Variants in ASTN1 observed in about 807,000 individuals in gnomAD.
ASTN1 encodes the protein astrotactin 1.
A neutral mutation model predicts 140.7 loss-of-function variants in ASTN1; 41 were observed. The ratio of observed to expected loss-of-function variants is 0.29; its 90% CI spans 0.23 to 0.38. ASTN1 has a LOEUF of 0.38. ASTN1 is among the 10% of genes least tolerant of loss of function. The pLI, the probability that ASTN1 is intolerant of heterozygous loss-of-function variation, is 1.00. For synonymous variants in ASTN1, 640 were observed against 652.2 expected, an observed-to-expected ratio of 0.98 and a Z score of 0.29; for missense variants, 1,479 against 1,678.8, an observed-to-expected ratio of 0.88 and a Z score of 2.08.
chr1:177,094,660 A>T (rs893342320), intron 1 of ASTN1, among the ~76,000 whole-genome samples: 1 of 152,216 alleles, frequency 6.6e-6, no homozygotes, highest in African/African-American at 2.4e-5. Flanking sequence ...TAGCAGCCCG[A>T]ACAGACTAAG....
intron 16 of ASTN1, among the ~76,000 whole-genome samples, chr1:176,926,699 A>G (rs987333281): frequency 3.3e-5 from 5 of 152,212 alleles, no homozygotes; most frequent in Non-Finnish European, 7.3e-5. Flanking sequence ...TGTTGTTGTA[A>G]ATGCATATAG....
intron 16 of ASTN1, among the ~76,000 whole-genome samples, chr1:176,899,112 C>T (rs1200580551): frequency 6.6e-6 from 1 of 152,176 alleles, no homozygotes; most frequent in East Asian, 1.9e-4. Flanking sequence ...AGTTAACAAT[C>T]CTAAAACTGC....
intron 16 of ASTN1, among the ~76,000 whole-genome samples, chr1:176,901,842 C>A (rs941699417): frequency 2.6e-5 from 4 of 152,196 alleles, no homozygotes; most frequent in African/African-American, 9.7e-5. Context: ...AGTCCCGAAT[C>A]CAAAGGGTTT....
At chr1:176,910,713 C>T (rs966981523) in intron 16 of ASTN1, among the ~76,000 whole-genome samples, 4 of 152,150 alleles carry the variant, frequency 2.6e-5, no homozygotes, top group Non-Finnish European at 5.9e-5. Context: ...CACAGGGGTC[C>T]CCAACCCCCA....
At chr1:176,983,799 A>T (rs561833515) in intron 8 of ASTN1, among the ~76,000 whole-genome samples, 1 of 152,190 alleles carries the variant, frequency 6.6e-6, no homozygotes, top group Non-Finnish European at 1.5e-5. Flanking sequence ...CTCTCTCTCA[A>T]GCCTAGAATG....
At chr1:176,887,153 T>C (rs1669062190) in intron 18 of ASTN1, among the ~76,000 whole-genome samples, 1 of 152,220 alleles carries the variant, frequency 6.6e-6, no homozygotes, top group African/African-American at 2.4e-5. Context: ...GGAGCACTCT[T>C]TCTAATAGCT....
chr1:177,024,692 G>A lies in ASTN1; in HGVS notation c.1161C>T (p.Thr387=), dbSNP rs1676012708. ...PRSPVNKTTL[T]LISITSCVIG... ...TCACACAGCTGGTGATGCTGATCAG[G>A]GTCAAGGTGGTCTTATTCACAGGAC... Residue 387 remains threonine (T), a synonymous_variant, in exon 6 of 23, where the codon ACC becomes ACT. Transcript: ENST00000361833. 1 of 1,614,066 alleles carries A rather than the reference G, an allele frequency of 6.2e-7. No individual in the cohort carries two copies. The highest frequency in any genetic ancestry group is 8.5e-7 in the Non-Finnish European group (1 of 1,179,984).
At chr1:177,003,247 T>C (rs1674823568) in intron 8 of ASTN1, among the ~76,000 whole-genome samples, 1 of 148,260 alleles carries the variant, frequency 6.7e-6, no homozygotes, top group South Asian at 2.1e-4. Flanking sequence ...TCCAACAAAA[T>C]ACTAGCAAAC....
intron 1 of ASTN1, among the ~76,000 whole-genome samples, chr1:177,106,338 T>C (rs983730072): frequency 4.6e-5 from 7 of 152,204 alleles, no homozygotes; most frequent in Admixed American, 2.6e-4. Flanking sequence ...TTAACTCCAC[T>C]GGCCTCATCG....
chr1:176,864,673 C>A, intron 22 of ASTN1, 152 bp from the exon 23 acceptor site: 1 of 1,074,792 alleles, frequency 9.3e-7, no homozygotes, highest in Non-Finnish European at 1.3e-6. Flanking sequence ...AACAGTGAGT[C>A]CTCCAAAAAT....
intron 2 of ASTN1, among the ~76,000 whole-genome samples, chr1:177,045,890 A>G (rs893846007): frequency 6.1e-5 from 7 of 113,842 alleles, no homozygotes; most frequent in Admixed American, 3.3e-4. Flanking sequence ...AATTATATCT[A>G]CAGACATGTA....
intron 1 of ASTN1, among the ~76,000 whole-genome samples, chr1:177,124,328 C>G (rs1180566913): frequency 6.6e-6 from 1 of 152,184 alleles, no homozygotes; most frequent in South Asian, 2.1e-4. Context: ...GAAACTGAGG[C>G]TGATAGAGTT....
intron 16 of ASTN1, among the ~76,000 whole-genome samples, chr1:176,905,059 T>A (rs1490510492): frequency 1.3e-5 from 2 of 152,134 alleles, no homozygotes; most frequent in African/African-American, 2.4e-5. Context: ...GTTCTCCACC[T>A]CTCCTTCCCT....
At chr1:177,073,390 C>T (rs1678737615) in intron 1 of ASTN1, among the ~76,000 whole-genome samples, 1 of 151,884 alleles carries the variant, frequency 6.6e-6, no homozygotes, top group Non-Finnish European at 1.5e-5. Context: ...TTAAGCAGTA[C>T]TTCCTTTCAT....
intron 8 of ASTN1, among the ~76,000 whole-genome samples, chr1:176,998,088 T>G (rs1468564508): frequency 6.6e-6 from 1 of 152,134 alleles, no homozygotes; most frequent in Non-Finnish European, 1.5e-5. Context: ...GTTGCCATAC[T>G]TGTCTTCATA....
At chr1:177,126,168 T>G (rs1277938222) in intron 1 of ASTN1, among the ~76,000 whole-genome samples, 1 of 152,166 alleles carries the variant, frequency 6.6e-6, no homozygotes, top group Non-Finnish European at 1.5e-5. Flanking sequence ...ATCACCATCA[T>G]CATCATTATC....
intron 1 of ASTN1, among the ~76,000 whole-genome samples, chr1:177,113,261 G>C (rs1680908724): frequency 6.6e-6 from 1 of 152,180 alleles, no homozygotes; most frequent in South Asian, 2.1e-4. Flanking sequence ...GTTGTTTCCA[G>C]CTTCCATACA....
rs140674846 is a variant in ASTN1 at position 177,101,557 on chromosome 1, C to A, written c.284-40292G>T. On this transcript the variant is annotated intron_variant, in intron 1 of 22. Coordinates refer to ENST00000361833, the MANE Select transcript of ASTN1 (RefSeq NM_004319.3). ...GGTTTTCCTGGGGGTGAGGTGGCAACTGGAAGGGGCACAGGGAGGACAGGG... is the reference window on the plus strand; with the variant it reads ...GGTTTTCCTGGGGGTGAGGTGGCAAATGGAAGGGGCACAGGGAGGACAGGG... Among the ~76,000 whole-genome samples the A allele has an allele frequency of 4.6e-3, 699 of 152,256 alleles. 23 individuals are homozygous for A. Among genetic ancestry groups the A allele is most frequent in the Admixed American group, 0.034 (524 of 15,278 alleles).
At chr1:177,092,814 T>C (rs1019791552) in intron 1 of ASTN1, among the ~76,000 whole-genome samples, 1 of 152,202 alleles carries the variant, frequency 6.6e-6, no homozygotes, top group African/African-American at 2.4e-5. Flanking sequence ...GAATTGTCTG[T>C]AAATATAAGG....
Sources: gnomAD v4.1 joint callset for allele counts (sites outside exome capture counted in the v4.1 genomes callset) on GRCh38, gnomAD v4.1.1 for gene constraint, MANE v1.5 for transcripts, NCBI Gene and HGNC (gene_info 2026-07-23, HGNC 2026-07-21) for gene names.